Variants in FHIT observed in about 807,000 individuals in gnomAD.
The protein encoded by FHIT is bis(5'-adenosyl)-triphosphatase.
In FHIT, 19 loss-of-function variants were observed where a neutral mutation model predicts 17.9. That is an observed-to-expected ratio of 1.06 (90% CI 0.74 to 1.56). FHIT has a LOEUF of 1.56. Ranked by LOEUF, FHIT falls within the 40% of genes most tolerant of loss-of-function variation. The pLI, the probability that FHIT is intolerant of heterozygous loss-of-function variation, is 0.00. For missense variants in FHIT, 248 were observed against 189.2 expected (o/e 1.31, Z -1.82); for synonymous variants, 81 against 69.7 (o/e 1.16, Z -0.81).
chr3:59,870,118 G>A (rs1702852576), intron 8 of FHIT, among the ~76,000 whole-genome samples: 2 of 152,088 alleles, frequency 1.3e-5, no homozygotes, highest in Non-Finnish European at 1.5e-5. Context: ...GACACATCTT[G>A]GAATCAAACC....
At chr3:60,575,788 G>A (rs781910735) in intron 4 of FHIT, among the ~76,000 whole-genome samples, 14 of 152,134 alleles carry the variant, frequency 9.2e-5, no homozygotes, top group Non-Finnish European at 1.5e-4. Context: ...ATGAAGAGTT[G>A]TGAATGAAAG....
intron 5 of FHIT, among the ~76,000 whole-genome samples, chr3:60,369,278 C>G (rs1011533694): frequency 1.3e-5 from 2 of 152,120 alleles, no homozygotes; most frequent in Admixed American, 6.6e-5. Context: ...AGCCATGGCA[C>G]TTTTTGATCC....
At chr3:60,847,557 C>G (rs897300289) in intron 3 of FHIT, among the ~76,000 whole-genome samples, 2 of 152,138 alleles carry the variant, frequency 1.3e-5, no homozygotes, top group African/African-American at 4.8e-5. Flanking sequence ...GCATCCCTAT[C>G]AACTCTCCCA....
chr3:60,336,681 G>A (rs1219268727), intron 5 of FHIT, among the ~76,000 whole-genome samples: 1 of 152,100 alleles, frequency 6.6e-6, no homozygotes. Context: ...GACCACATGT[G>A]GCTACTGGCA....
In FHIT at chr3:59,955,446, C is replaced by T. The variant is rs544563163; in HGVS notation, c.280-33032G>A. Among the ~76,000 whole-genome samples the T allele has an allele frequency of 2.6e-5, 4 of 152,218 alleles. No homozygotes were observed. In the South Asian group the frequency reaches 6.2e-4, roughly 24 times the overall value. On this transcript the variant is annotated intron_variant, in intron 7 of 9. Coordinates refer to ENST00000492590, the MANE Select transcript of FHIT (RefSeq NM_002012.4). Reference sequence around the variant, plus strand: ...TCCTCTTATCTTCCCCAGCGACACACTTTTCTCATTGAACCCATTCAGCCC... The same window carrying T: ...TCCTCTTATCTTCCCCAGCGACACATTTTTCTCATTGAACCCATTCAGCCC...
chr3:60,661,411 CCATGGTATAT>C lies in FHIT; in HGVS notation c.-17-124442_-17-124433del, dbSNP rs531078871. Among the ~76,000 whole-genome samples the C allele has an allele frequency of 1.7e-4, 26 of 152,190 alleles. No homozygotes were observed. In the East Asian group the frequency reaches 4.8e-3, roughly 28 times the overall value. ...TTCTTTTTTACGGCTGAATAGTATT[CCATGGTATAT>C]ATGTTCCACAATTTCTTTATCCACT... On this transcript the variant is annotated intron_variant, in intron 4 of 9. Coordinates refer to ENST00000492590, the MANE Select transcript of FHIT (RefSeq NM_002012.4).
chr3:60,448,159 T>C (rs2031475039), intron 5 of FHIT, among the ~76,000 whole-genome samples: 1 of 152,250 alleles, frequency 6.6e-6, no homozygotes, highest in East Asian at 1.9e-4. Context: ...AGTGGATCTC[T>C]TGAGAGGGCT....
At chr3:60,507,588 C>T (rs939345962) in intron 5 of FHIT, among the ~76,000 whole-genome samples, 3 of 152,064 alleles carry the variant, frequency 2.0e-5, no homozygotes, top group Admixed American at 2.0e-4. Context: ...CGTGTCATGG[C>T]GGTTTGTTGT....
chr3:60,086,780 T>C (rs1024195637), intron 5 of FHIT, among the ~76,000 whole-genome samples: 5 of 152,238 alleles, frequency 3.3e-5, no homozygotes, highest in Non-Finnish European at 5.9e-5. Flanking sequence ...ATAACTTCAG[T>C]GGGTGCAGCT....
At chr3:60,703,641 T>G (rs572856081) in intron 4 of FHIT, among the ~76,000 whole-genome samples, 1 of 152,212 alleles carries the variant, frequency 6.6e-6, no homozygotes, top group Non-Finnish European at 1.5e-5. Context: ...CAAGTTTTGA[T>G]ATAACATTTT....
chr3:60,462,534 T>C lies in FHIT; in HGVS notation c.103+74326A>G, dbSNP rs188694770. Among the ~76,000 whole-genome samples the C allele has an allele frequency of 2.0e-5, 3 of 152,122 alleles. No homozygotes were observed. In the East Asian group the frequency reaches 5.8e-4, roughly 29 times the overall value. On this transcript the variant is annotated intron_variant, in intron 5 of 9. Coordinates refer to ENST00000492590, the MANE Select transcript of FHIT (RefSeq NM_002012.4). ...CTGACCAAGGCAGGGAGAACACCAC[T>C]GAGGAATTAATGCAGGAGCTGAGAG...
At position 60,723,960 on chromosome 3, in the gene FHIT, C is replaced by T. The variant is rs1244619668; in HGVS notation, c.-18+97959G>A. On this transcript the variant is annotated intron_variant, in intron 4 of 9. Coordinates refer to ENST00000492590, the MANE Select transcript of FHIT (RefSeq NM_002012.4). ...TCATAGAAAACAAGCCCTGTGGCAT[C>T]TCTTTTTTGTTTTTATAACAGCTTT... Among the ~76,000 whole-genome samples the T allele has an allele frequency of 2.0e-5, 3 of 152,228 alleles. No homozygotes were observed. The South Asian group carries it at 6.2e-4, about 32-fold the overall frequency.
intron 5 of FHIT, among the ~76,000 whole-genome samples, chr3:60,495,006 CT>C (rs1265957602): frequency 1.3e-5 from 2 of 152,136 alleles, no homozygotes; most frequent in African/African-American, 4.8e-5. Context: ...GATGTCTGGA[CT>C]GTGTGTTAGC....
At chr3:60,567,663 A>G (rs1017374082) in intron 4 of FHIT, among the ~76,000 whole-genome samples, 9 of 152,226 alleles carry the variant, frequency 5.9e-5, no homozygotes, top group Admixed American at 6.5e-5. Context: ...ATCAGAGTGA[A>G]CAGGCCACCT....
At chr3:61,067,113 C>T (rs2034638963) in intron 2 of FHIT, among the ~76,000 whole-genome samples, 1 of 152,188 alleles carries the variant, frequency 6.6e-6, no homozygotes, top group Non-Finnish European at 1.5e-5. Flanking sequence ...CACATGACAG[C>T]ATCTGCCACA....
At chr3:60,413,263 G>C (rs1423039520) in intron 5 of FHIT, among the ~76,000 whole-genome samples, 1 of 152,162 alleles carries the variant, frequency 6.6e-6, no homozygotes, top group Non-Finnish European at 1.5e-5. Context: ...ACATCAAAGA[G>C]TTAATAAATT....
chr3:59,820,967 AAAG>A (rs1575547775), intron 8 of FHIT, among the ~76,000 whole-genome samples: 1 of 152,340 alleles, frequency 6.6e-6, no homozygotes, highest in East Asian at 1.9e-4. Flanking sequence ...TCATGAAAGG[AAAG>A]AAGATGTTTA....
chr3:61,095,277 T>A (rs1212655252), intron 2 of FHIT, among the ~76,000 whole-genome samples: 3 of 152,310 alleles, frequency 2.0e-5, no homozygotes, highest in Non-Finnish European at 4.4e-5. Context: ...ACAAAACCTC[T>A]TTTTATACAA....
chr3:60,196,605 C>A (rs934602943), intron 5 of FHIT, among the ~76,000 whole-genome samples: 1 of 152,002 alleles, frequency 6.6e-6, no homozygotes, highest in Non-Finnish European at 1.5e-5. Context: ...GATCATTATT[C>A]CACCTACCAA....
Sources: gnomAD v4.1 joint callset for allele counts (sites outside exome capture counted in the v4.1 genomes callset) on GRCh38, gnomAD v4.1.1 for gene constraint, MANE v1.5 for transcripts, NCBI Gene and HGNC (gene_info 2026-07-23, HGNC 2026-07-21) for gene names.